CCDC148: variants seen among roughly 807,000 people sequenced by gnomAD.
CCDC148 encodes coiled-coil domain containing 148, also known as coiled-coil domain-containing protein 148.
CCDC148 carries 89 observed loss-of-function variants against 85.7 expected under a neutral mutation model. The observed-to-expected ratio is 1.04, with a 90% CI of 0.87 to 1.24. CCDC148 has a LOEUF of 1.24. Among genes scored for constraint, CCDC148 ranks in the 50% most tolerant of loss-of-function variants. The pLI, the probability that CCDC148 is intolerant of heterozygous loss-of-function variation, is 0.00. For synonymous variants in CCDC148, 230 were observed against 213.9 expected (o/e 1.08, Z -0.66); for missense variants, 692 against 671.7 (o/e 1.03, Z -0.33).
At chr2:158,424,512 A>G (rs555725576) in intron 1 of CCDC148, among the ~76,000 whole-genome samples, 1 of 152,274 alleles carries the variant, frequency 6.6e-6, no homozygotes, top group East Asian at 1.9e-4. Flanking sequence ...GTGGGAATTG[A>G]ACAATGAGAA....
intron 11 of CCDC148, among the ~76,000 whole-genome samples, chr2:158,187,218 A>G (rs996139050): frequency 6.6e-6 from 1 of 151,660 alleles, no homozygotes; most frequent in African/African-American, 2.4e-5. Context: ...TGCTCCTTAA[A>G]TCTGGGCTCC....
intron 13 of CCDC148, among the ~76,000 whole-genome samples, chr2:158,174,262 A>G (rs1230955267): frequency 6.6e-6 from 1 of 152,076 alleles, no homozygotes; most frequent in Non-Finnish European, 1.5e-5. Flanking sequence ...ATACAAATGC[A>G]CCCAGCCAAT....
chr2:158,217,368 GTGTGTGTATATATATATATATA>G (rs1686928931), intron 11 of CCDC148, among the ~76,000 whole-genome samples: 1 of 76,106 alleles, frequency 1.3e-5, no homozygotes, highest in African/African-American at 4.2e-5. Context: ...AATTTTGTGT[GTGTGTGTATATATATATATATA>G]TATACACACA....
intron 12 of CCDC148, among the ~76,000 whole-genome samples, chr2:158,178,312 A>G (rs1024877195): frequency 5.3e-5 from 8 of 152,168 alleles, no homozygotes; most frequent in East Asian, 1.9e-4. Context: ...AAAACTACCA[A>G]GTAAAACTAT....
At chr2:158,178,855 T>C (rs769065839) in intron 12 of CCDC148, 24 bp downstream of exon 12, 35 of 1,542,794 alleles carry the variant, frequency 2.3e-5, no homozygotes, top group Middle Eastern at 3.4e-4. Flanking sequence ...AAACCACCCA[T>C]GAAAATTTCC....
chr2:158,271,058 A>G (rs1689676136), intron 9 of CCDC148, among the ~76,000 whole-genome samples: 1 of 152,218 alleles, frequency 6.6e-6, no homozygotes, highest in African/African-American at 2.4e-5. Context: ...ATAACCAAGC[A>G]TTGCAAACAT....
At chr2:158,179,656 G>A (rs1684791605) in intron 11 of CCDC148, among the ~76,000 whole-genome samples, 1 of 152,074 alleles carries the variant, frequency 6.6e-6, no homozygotes, top group African/African-American at 2.4e-5. Flanking sequence ...TGGGTTGTTA[G>A]AAAGTTTACA....
At chr2:158,398,644 T>G (rs1685635222) in intron 1 of CCDC148, among the ~76,000 whole-genome samples, 1 of 152,092 alleles carries the variant, frequency 6.6e-6, no homozygotes, top group African/African-American at 2.4e-5. Flanking sequence ...AGAGGGATAT[T>G]TATAGCACTA....
chr2:158,454,942 A>T (rs1688542445), intron 1 of CCDC148, among the ~76,000 whole-genome samples: 1 of 152,238 alleles, frequency 6.6e-6, no homozygotes, highest in African/African-American at 2.4e-5. Context: ...CTACAATATC[A>T]AAATAGTCAT....
chr2:158,336,487 T>G (rs1160308879), intron 7 of CCDC148, among the ~76,000 whole-genome samples: 3 of 152,194 alleles, frequency 2.0e-5, no homozygotes, highest in Non-Finnish European at 4.4e-5. Flanking sequence ...CAAGCCTTCT[T>G]AGAGGCAAAG....
intron 11 of CCDC148, among the ~76,000 whole-genome samples, chr2:158,196,914 G>A (rs1408317040): frequency 6.6e-6 from 1 of 152,106 alleles, no homozygotes; most frequent in Non-Finnish European, 1.5e-5. Flanking sequence ...TGTAATTTAA[G>A]CCCACCTTAG....
chr2:158,309,052 C>A (rs949669374), intron 9 of CCDC148, among the ~76,000 whole-genome samples: 1 of 152,180 alleles, frequency 6.6e-6, no homozygotes, highest in Non-Finnish European at 1.5e-5. Flanking sequence ...CTCATTTGAA[C>A]TTTTTGCTAT....
At chr2:158,413,902 G>A (rs1686377727) in intron 1 of CCDC148, among the ~76,000 whole-genome samples, 1 of 152,064 alleles carries the variant, frequency 6.6e-6, no homozygotes, top group Non-Finnish European at 1.5e-5. Flanking sequence ...TTACTAAAAT[G>A]TTTATACCAG....
intron 1 of CCDC148, among the ~76,000 whole-genome samples, chr2:158,394,136 C>A (rs1250389907): frequency 1.3e-5 from 2 of 152,040 alleles, no homozygotes; most frequent in Non-Finnish European, 2.9e-5. Context: ...CACTGTCCAT[C>A]AGTTTTGAGT....
chr2:158,349,628 G>T (rs1412518878), intron 2 of CCDC148, among the ~76,000 whole-genome samples: 2 of 151,754 alleles, frequency 1.3e-5, no homozygotes, highest in Non-Finnish European at 2.9e-5. Flanking sequence ...TTTGGCAATT[G>T]TTCACAACTT....
At chr2:158,410,287 T>A (rs1000458792) in intron 1 of CCDC148, among the ~76,000 whole-genome samples, 1 of 152,200 alleles carries the variant, frequency 6.6e-6, no homozygotes, top group African/African-American at 2.4e-5. Context: ...TATTGCTAGA[T>A]CTTGTTTTTA....
intron 1 of CCDC148, chr2:158,425,398 T>C (rs773095444): frequency 3.1e-5 from 12 of 381,522 alleles, no homozygotes; most frequent in Non-Finnish European, 5.1e-5. Context: ...TCTAAGATGA[T>C]TATTTTGTAA....
chr2:158,203,406 T>C (rs10210481), intron 11 of CCDC148, among the ~76,000 whole-genome samples: 1 of 152,032 alleles, frequency 6.6e-6, no homozygotes, highest in Non-Finnish European at 1.5e-5. Context: ...ACCACGATGT[T>C]TGGGCATCAT....
At chr2:158,313,647 G>GA (rs1205669226) in intron 8 of CCDC148, 109 bp downstream of exon 8, 1 of 1,150,946 alleles carries the variant, frequency 8.7e-7, no homozygotes, top group African/African-American at 1.6e-5. Context: ...TAGAGGGTAG[G>GA]AAAAAAATAA....
Sources: allele counts gnomAD v4.1 joint callset (sites outside exome capture counted in the v4.1 genomes callset), GRCh38; gene constraint gnomAD v4.1.1; transcripts MANE v1.5; gene names NCBI Gene and HGNC (gene_info 2026-07-23, HGNC 2026-07-21).